Variants in PREX2 observed in about 807,000 individuals in gnomAD.
PREX2 encodes phosphatidylinositol-3,4,5-trisphosphate dependent Rac exchange factor 2, also known as phosphatidylinositol 3,4,5-trisphosphate-dependent Rac exchanger 2 protein.
PREX2 carries 107 observed loss-of-function variants against 203.2 expected under a neutral mutation model. The ratio of observed to expected loss-of-function variants is 0.53; its 90% CI spans 0.45 to 0.62. PREX2 has a LOEUF of 0.62. Among genes scored for constraint, PREX2 ranks in the 20% least tolerant of loss-of-function variants. The probability of loss-of-function intolerance (pLI) is 0.00; values close to 1 mark genes in which losing one functional copy is unlikely to be tolerated. For missense variants in PREX2, 1,777 were observed against 1,955.9 expected (o/e 0.91, Z 1.72); for synonymous variants, 672 against 663.6 (o/e 1.01, Z -0.19).
At chr8:68,079,517 C>T (rs776466007) in intron 15 of PREX2, among the ~76,000 whole-genome samples, 5 of 152,160 alleles carry the variant, frequency 3.3e-5, no homozygotes, top group Admixed American at 6.5e-5. Context: ...CATTTCCAGA[C>T]CTGGAAGTTA....
At chr8:67,964,156 C>T (rs1563472906) in intron 1 of PREX2, among the ~76,000 whole-genome samples, 1 of 152,186 alleles carries the variant, frequency 6.6e-6, no homozygotes, top group East Asian at 1.9e-4. Context: ...CATTCCAGCC[C>T]TAGGGGGACA....
intron 37 of PREX2, among the ~76,000 whole-genome samples, chr8:68,204,123 C>G (rs1396301176): frequency 6.6e-6 from 1 of 152,000 alleles, no homozygotes; most frequent in African/African-American, 2.4e-5. Context: ...CAGATTCAAA[C>G]CTGGTGGCTG....
At position 68,207,844 on chromosome 8, in the gene PREX2, A is replaced by G. The variant is rs115435208; in HGVS notation, c.4605-9772A>G. Among the ~76,000 whole-genome samples the G allele has an allele frequency of 5.9e-3, 897 of 152,140 alleles. 8 individuals are homozygous for G. The highest frequency in any genetic ancestry group is 0.018 in the African/African-American group (743 of 41,486). On this transcript the variant is annotated intron_variant, in intron 37 of 39. Transcript: ENST00000288368. ...TGTTCTTAATCCCTACACCTTCCAG[A>G]TGAGTATGAAACAGTGGGGTAAGAG...
chr8:68,156,841 G>C (rs1209625271), intron 34 of PREX2, among the ~76,000 whole-genome samples: 1 of 152,130 alleles, frequency 6.6e-6, no homozygotes, highest in Non-Finnish European at 1.5e-5. Context: ...TACAGAGGGG[G>C]AGACACTGTT....
In PREX2 at chr8:68,236,526, T is replaced by C. The variant is rs1461752475; in HGVS notation, c.*5148T>C. The C allele has an allele frequency of 2.0e-5, 3 of 152,168 alleles. No individual in the cohort carries two copies. Among genetic ancestry groups the C allele is most frequent in the African/African-American group, 4.8e-5 (2 of 41,442 alleles). The allele number at this position is 152,168 out of a possible 1,614,324, so 9.4% of individuals were successfully genotyped here. ...CCTAATATCATATATACAAATATAC[T>C]GTATGTAGCCAAGAACACTAAATTG... On this transcript the variant is annotated 3_prime_UTR_variant, in exon 40 of 40. Transcript: ENST00000288368.
intron 23 of PREX2, among the ~76,000 whole-genome samples, chr8:68,106,708 C>A (rs1810420601): frequency 6.6e-6 from 1 of 151,976 alleles, no homozygotes. Flanking sequence ...TGAATTTAAT[C>A]TAGAAAAGTT....
intron 26 of PREX2, 34 bp downstream of exon 26, chr8:68,115,966 A>G (rs1245115157): frequency 2.6e-6 from 4 of 1,523,308 alleles, no homozygotes; most frequent in Non-Finnish European, 3.5e-6. Flanking sequence ...CATTTTCTTA[A>G]CAAAGTCAAA....
At chr8:68,054,867 TG>T (rs550577210) in intron 9 of PREX2, among the ~76,000 whole-genome samples, 2 of 152,224 alleles carry the variant, frequency 1.3e-5, no homozygotes, top group Non-Finnish European at 2.9e-5. Context: ...TACACCTCCC[TG>T]CTTCCATTCA....
intron 10 of PREX2, among the ~76,000 whole-genome samples, chr8:68,059,986 C>G (rs901510522): frequency 6.6e-6 from 1 of 152,166 alleles, no homozygotes; most frequent in Non-Finnish European, 1.5e-5. Flanking sequence ...TCAAAGGGTT[C>G]CACTCCCTGA....
chr8:68,226,072 C>T (rs993146577), intron 39 of PREX2, among the ~76,000 whole-genome samples: 13 of 151,866 alleles, frequency 8.6e-5, no homozygotes, highest in Middle Eastern at 3.4e-3. Context: ...ACACTCGAAA[C>T]GAAACGCAAT....
intron 1 of PREX2, among the ~76,000 whole-genome samples, chr8:68,013,406 C>T (rs1265863783): frequency 6.6e-6 from 1 of 152,140 alleles, no homozygotes; most frequent in African/African-American, 2.4e-5. Flanking sequence ...TGGCTAACTC[C>T]CTGCTCATGA....
At chr8:68,146,822 A>T (rs921135982) in intron 34 of PREX2, among the ~76,000 whole-genome samples, 6 of 152,164 alleles carry the variant, frequency 3.9e-5, no homozygotes, top group Middle Eastern at 3.2e-3. Flanking sequence ...TGCTTTTAAA[A>T]TTCTTTATGT....
chr8:68,192,312 C>T (rs755268342), intron 36 of PREX2, 23 bp from the exon 37 acceptor site: 11 of 1,549,634 alleles, frequency 7.1e-6, no homozygotes, highest in Middle Eastern at 1.7e-4. Flanking sequence ...TTGAACTTGA[C>T]GTTCATCACT....
At chr8:68,113,488 A>G (rs1292595420) in intron 25 of PREX2, among the ~76,000 whole-genome samples, 1 of 152,188 alleles carries the variant, frequency 6.6e-6, no homozygotes, top group Non-Finnish European at 1.5e-5. Flanking sequence ...TAAATAGACA[A>G]TCTGTCTTAC....
At chr8:68,106,377 G>A (rs780291254) in intron 23 of PREX2, 1 of 492,828 alleles carries the variant, frequency 2.0e-6, no homozygotes. Flanking sequence ...GATGGGATAG[G>A]TCAGGATTTC....
intron 37 of PREX2, among the ~76,000 whole-genome samples, chr8:68,204,592 T>A (rs1812571709): frequency 6.6e-6 from 1 of 152,022 alleles, no homozygotes; most frequent in Non-Finnish European, 1.5e-5. Context: ...GTTACCCATC[T>A]CTGCTGCATT....
At chr8:68,186,520 G>T (rs370729247) in intron 35 of PREX2, among the ~76,000 whole-genome samples, 22 of 151,948 alleles carry the variant, frequency 1.4e-4, no homozygotes, top group African/African-American at 4.1e-4. Context: ...TTTTTGTTTT[G>T]TTTTGTTTTT....
intron 23 of PREX2, among the ~76,000 whole-genome samples, chr8:68,101,234 A>G (rs1013406574): frequency 3.3e-5 from 5 of 152,174 alleles, no homozygotes; most frequent in African/African-American, 9.6e-5. Context: ...TGGCTGCATG[A>G]GAATAGGGAT....
intron 1 of PREX2, among the ~76,000 whole-genome samples, chr8:67,980,327 A>C (rs552975317): frequency 1.3e-5 from 2 of 152,326 alleles, no homozygotes; most frequent in African/African-American, 4.8e-5. Context: ...GGAATATTGC[A>C]GTAACCTGGG....
Sources: allele counts gnomAD v4.1 joint callset (sites outside exome capture counted in the v4.1 genomes callset), GRCh38; gene constraint gnomAD v4.1.1; transcripts MANE v1.5; gene names NCBI Gene and HGNC (gene_info 2026-07-23, HGNC 2026-07-21).